RNF144A: variants seen among roughly 807,000 people sequenced by gnomAD.
RNF144A encodes E3 ubiquitin-protein ligase RNF144A.
RNF144A carries 11 observed loss-of-function variants against 38.7 expected under a neutral mutation model. The observed-to-expected ratio is 0.28, with a 90% CI of 0.18 to 0.47. The LOEUF is 0.47. RNF144A is among the 20% of genes least tolerant of loss of function. The pLI is 0.99. For synonymous variants in RNF144A, 149 were observed against 143.9 expected (o/e 1.04, Z -0.25); for missense variants, 316 against 377.2 (o/e 0.84, Z 1.34).
intron 8 of RNF144A, among the ~76,000 whole-genome samples, chr2:7,034,988 A>G (rs144038916): frequency 6.3e-4 from 96 of 152,296 alleles, no homozygotes; most frequent in African/African-American, 2.3e-3. Context: ...GCAGCAGAAT[A>G]AAATGCTCAG....
At chr2:7,019,357 G>A (rs1002048233) in intron 5 of RNF144A, among the ~76,000 whole-genome samples, 7 of 152,224 alleles carry the variant, frequency 4.6e-5, no homozygotes, top group African/African-American at 1.7e-4. Flanking sequence ...GTCCACGTGC[G>A]GCGCCAGCAT....
intron 2 of RNF144A, among the ~76,000 whole-genome samples, chr2:6,966,462 G>A (rs949893273): frequency 7.9e-5 from 12 of 152,220 alleles, no homozygotes; most frequent in African/African-American, 2.7e-4. Context: ...CGTGGTCAGC[G>A]TCACCCACTT....
intron 3 of RNF144A, among the ~76,000 whole-genome samples, chr2:7,003,987 A>G (rs1353315832): frequency 6.6e-6 from 1 of 152,220 alleles, no homozygotes; most frequent in Non-Finnish European, 1.5e-5. Flanking sequence ...TTAGCTCCCA[A>G]ACTAATGAAT....
chr2:7,008,516 G>T (rs534719160), intron 3 of RNF144A, among the ~76,000 whole-genome samples: 2 of 152,268 alleles, frequency 1.3e-5, no homozygotes, highest in South Asian at 4.1e-4. Flanking sequence ...CTCCCGACAC[G>T]GTGCACTCTC....
chr2:6,960,290 C>T (rs1222078619), intron 2 of RNF144A, among the ~76,000 whole-genome samples: 2 of 152,182 alleles, frequency 1.3e-5, no homozygotes, highest in Non-Finnish European at 2.9e-5. Flanking sequence ...GAGTGAAAAC[C>T]TTTGAGGTTC....
chr2:7,028,893 T>C (rs409120), intron 7 of RNF144A, among the ~76,000 whole-genome samples: 34,224 of 152,124 alleles, frequency 0.22, 4,627 homozygotes, highest in Admixed American at 0.31. Flanking sequence ...CCAAAGCCTC[T>C]TGCTACTGCA....
chr2:6,946,225 A>G (rs1195149702), intron 2 of RNF144A, among the ~76,000 whole-genome samples: 1 of 152,232 alleles, frequency 6.6e-6, no homozygotes, highest in Admixed American at 6.5e-5. Context: ...CATTCATTAA[A>G]GAAATATCGT....
chr2:7,066,636 G>T (rs183915397), intron 6 of RNF144A, among the ~76,000 whole-genome samples: 11 of 152,308 alleles, frequency 7.2e-5, no homozygotes, highest in African/African-American at 2.6e-4. Flanking sequence ...CTGGAATGTT[G>T]TATCTTCAGA....
rs534003361 is a variant in RNF144A, at chr2:7,014,862, T to C, written c.301+90T>C. ...GGAGTTCTTTTGGTAGATATGGTTA[T>C]ACAGCATTTGATAGGAGTTAAAAAG... is the stretch of plus-strand genomic sequence containing the variant. On this transcript the variant is annotated intron_variant, in intron 5 of 8. Coordinates refer to ENST00000320892, the MANE Select transcript of RNF144A (RefSeq NM_014746.6). 3 of 905,812 alleles carry C rather than the reference T, an allele frequency of 3.3e-6. No homozygotes were observed. The East Asian group carries it at 7.2e-5, about 22-fold the overall frequency. The allele number at this position is 905,812 out of a possible 1,614,324, so 56.1% of individuals were successfully genotyped here.
chr2:7,007,174 G>C (rs1238323654), intron 3 of RNF144A, among the ~76,000 whole-genome samples: 5 of 152,144 alleles, frequency 3.3e-5, no homozygotes, highest in Non-Finnish European at 1.5e-5. Context: ...ACCGACAGCA[G>C]GTAGCGTCCT....
chr2:7,038,136 C>T (rs536849203), intron 8 of RNF144A, among the ~76,000 whole-genome samples: 5 of 152,344 alleles, frequency 3.3e-5, no homozygotes, highest in South Asian at 4.1e-4. Flanking sequence ...AATCAAAATA[C>T]GTAACAGTCA....
chr2:6,976,902 G>C (rs1668351971), intron 2 of RNF144A, among the ~76,000 whole-genome samples: 1 of 151,862 alleles, frequency 6.6e-6, no homozygotes, highest in African/African-American at 2.4e-5. Flanking sequence ...AAAAAAACTG[G>C]TCTGATACGC....
intron 6 of RNF144A, among the ~76,000 whole-genome samples, chr2:7,052,838 A>AACAC (rs10670138): frequency 0.068 from 10,259 of 150,048 alleles, 407 homozygotes; most frequent in Middle Eastern, 0.18. Flanking sequence ...CCCCCTTTCC[A>AACAC]ACACACACAC....
intron 8 of RNF144A, among the ~76,000 whole-genome samples, chr2:7,031,596 C>T (rs1390717400): frequency 6.6e-6 from 1 of 152,224 alleles, no homozygotes; most frequent in Non-Finnish European, 1.5e-5. Context: ...GTGAAGGGCT[C>T]AAGTCTGTGA....
At chr2:6,993,869 C>T (rs1197533050) in intron 2 of RNF144A, among the ~76,000 whole-genome samples, 1 of 152,098 alleles carries the variant, frequency 6.6e-6, no homozygotes, top group Non-Finnish European at 1.5e-5. Flanking sequence ...CTTCTACTTA[C>T]CAAGCTCCTA....
intron 2 of RNF144A, among the ~76,000 whole-genome samples, chr2:6,984,557 C>T (rs760308379): frequency 1.1e-4 from 17 of 152,218 alleles, no homozygotes; most frequent in Non-Finnish European, 2.1e-4. Context: ...CCGCCTCAGC[C>T]TCCCAAAGTG....
intron 3 of RNF144A, among the ~76,000 whole-genome samples, chr2:6,999,645 C>T (rs1669975695): frequency 6.6e-6 from 1 of 152,200 alleles, no homozygotes; most frequent in Non-Finnish European, 1.5e-5. Flanking sequence ...GAGCAGGCCT[C>T]ATTTACCCCA....
intron 3 of RNF144A, among the ~76,000 whole-genome samples, chr2:6,997,736 A>C (rs1404456557): frequency 6.6e-6 from 1 of 152,218 alleles, no homozygotes; most frequent in African/African-American, 2.4e-5. Context: ...AAGGAATGAA[A>C]AAAGAAAATG....
At position 7,043,443 on chromosome 2, in the gene RNF144A, T is replaced by G; in HGVS notation, c.*3683T>G. 2 of 985,792 alleles carry G rather than the reference T, an allele frequency of 2.0e-6. No homozygotes were observed. The allele number at this position is 985,792 out of a possible 1,614,324, so 61.1% of individuals were successfully genotyped here. On this transcript the variant is annotated 3_prime_UTR_variant, in exon 9 of 9. Transcript: ENST00000320892. ...TTTGTGTGTGTGTCTCAGATTCTCA[T>G]TTATTAGTGAGCACACCTGTGTATA...
Sources: allele counts gnomAD v4.1 joint callset (sites outside exome capture counted in the v4.1 genomes callset), GRCh38; gene constraint gnomAD v4.1.1; transcripts MANE v1.5; gene names NCBI Gene and HGNC (gene_info 2026-07-23, HGNC 2026-07-21).